The following CBY1 variants were observed in gnomAD, a reference collection of about 807,000 sequenced individuals.
The protein encoded by CBY1 is chibby 1, beta catenin antagonist.
In CBY1, 10 loss-of-function variants were observed where a neutral mutation model predicts 15.6. The ratio of observed to expected loss-of-function variants is 0.64; its 90% CI spans 0.40 to 1.09. The LOEUF (loss-of-function observed/expected upper bound fraction) is 1.09. Among genes scored for constraint, CBY1 ranks in the 50% least tolerant of loss-of-function variants. The pLI, the probability that CBY1 is intolerant of heterozygous loss-of-function variation, is 0.01. For missense variants in CBY1, 150 were observed against 160.5 expected, an observed-to-expected ratio of 0.93 and a Z score of 0.35; for synonymous variants, 61 against 63.5, an observed-to-expected ratio of 0.96 and a Z score of 0.19.
At position 38,666,905 on chromosome 22, in the gene CBY1, C is replaced by T. The variant is rs767444439; in HGVS notation, c.-38-1112C>T. Among the ~76,000 whole-genome samples, 59 of 151,716 alleles carry T rather than the reference C, an allele frequency of 3.9e-4. 1 individual carries two copies. The highest frequency in any genetic ancestry group is 2.1e-4 in the Non-Finnish European group (14 of 67,912). ...TTTTAGTAGAGACAGGGTTTCACCA[C>T]GTTGGCCAGGCTGGTCTCAAACTCC... On this transcript the variant is annotated intron_variant, in intron 1 of 4. Coordinates refer to ENST00000216029, the MANE Select transcript of CBY1 (RefSeq NM_015373.4).
chr22:38,657,249 C>T (rs2092401953), intron 1 of CBY1: 1 of 287,710 alleles, frequency 3.5e-6, no homozygotes, highest in African/African-American at 2.3e-5. Flanking sequence ...TTACTCGATC[C>T]TCTTCCCAGG....
At chr22:38,670,281 A>G (rs1419334116) in intron 2 of CBY1, 1 of 152,266 alleles carries the variant, frequency 6.6e-6, no homozygotes, top group Non-Finnish European at 1.5e-5. Flanking sequence ...CTGTAGTCCC[A>G]GCTATTCAGA....
At chr22:38,671,246 C>T (rs949492323) in intron 4 of CBY1, 58 bp downstream of exon 4, 8 of 1,271,622 alleles carry the variant, frequency 6.3e-6, no homozygotes, top group African/African-American at 5.8e-5. Context: ...GGCTCCACCT[C>T]GAGTCACTTA....
In CBY1 at chr22:38,673,569, G is replaced by C. The variant is rs1191819143; in HGVS notation, c.*333G>C. The C allele has an allele frequency of 1.2e-5, 3 of 248,160 alleles. No individual in the cohort carries two copies. The East Asian group carries it at 2.5e-4, about 21-fold the overall frequency. 15.4% of individuals were successfully genotyped at this position (248,160 alleles called of 1,614,324 possible). ...CAGAATAGCTCTGTTGGGTTGTGTT[G>C]GGAGAAGCGGCTGGAGTTCATTCTC... On this transcript the variant is annotated 3_prime_UTR_variant, in exon 5 of 5. Coordinates refer to ENST00000216029, the MANE Select transcript of CBY1 (RefSeq NM_015373.4).
At chr22:38,659,861 CAAAAAAA>C (rs71197126) in intron 1 of CBY1, among the ~76,000 whole-genome samples, 4 of 68,380 alleles carry the variant, frequency 5.8e-5, no homozygotes, top group Non-Finnish European at 1.1e-4. Flanking sequence ...GACTCTGTCT[CAAAAAAA>C]AAAAAAAAAA....
intron 1 of CBY1, among the ~76,000 whole-genome samples, chr22:38,659,741 A>G (rs1482489825): frequency 3.3e-5 from 5 of 151,604 alleles, no homozygotes; most frequent in African/African-American, 4.8e-5. Flanking sequence ...AGGCGCCTGT[A>G]GTCCCAGCTA....
chr22:38,659,585 G>A (rs573024425), intron 1 of CBY1, among the ~76,000 whole-genome samples: 3 of 152,066 alleles, frequency 2.0e-5, no homozygotes, highest in South Asian at 2.1e-4. Context: ...TGTGCTGGCC[G>A]GGCACGGTGG....
Position 38,670,857 on chromosome 22 carries a change from A to C in CBY1, c.79-27A>C, listed in dbSNP as rs191383122. On this transcript the variant is annotated intron_variant, in intron 2 of 4. Transcript: ENST00000216029. ...TGAAGGCGTGTTCCGGGCCTGCTGA[A>C]GTTGTCACATAGCATCTCGCCCACA... The C allele has an allele frequency of 5.8e-6, 9 of 1,538,588 alleles. No homozygotes were observed. The African/African-American group carries it at 8.2e-5, about 14-fold the overall frequency.
chr22:38,659,090 C>T (rs2092414191), intron 1 of CBY1, among the ~76,000 whole-genome samples: 1 of 152,016 alleles, frequency 6.6e-6, no homozygotes, highest in South Asian at 2.1e-4. Flanking sequence ...CGCACGCCAA[C>T]ATACTGGGCT....
At chr22:38,670,741 T>G (rs2092450058) in intron 2 of CBY1, 143 bp from the exon 3 acceptor site, 1 of 639,222 alleles carries the variant, frequency 1.6e-6, no homozygotes, top group Admixed American at 2.6e-5. Context: ...TCATTTGATT[T>G]TATGGCTTTA....
At chr22:38,661,079 T>G (rs1013067527) in intron 1 of CBY1, among the ~76,000 whole-genome samples, 2 of 152,040 alleles carry the variant, frequency 1.3e-5, no homozygotes, top group Non-Finnish European at 2.9e-5. Context: ...CTGGAAGCAC[T>G]CTGGTTTGTC....
At chr22:38,662,974 G>A (rs959389991) in intron 1 of CBY1, among the ~76,000 whole-genome samples, 1 of 151,986 alleles carries the variant, frequency 6.6e-6, no homozygotes, top group Non-Finnish European at 1.5e-5. Context: ...ACAAACATTA[G>A]TTGGGTGTGG....
At chr22:38,663,337 C>G (rs559692035) in intron 1 of CBY1, among the ~76,000 whole-genome samples, 125 of 151,944 alleles carry the variant, frequency 8.2e-4, no homozygotes, top group African/African-American at 2.9e-3. Flanking sequence ...TGCCTATAGT[C>G]CTAGCTACCT....
intron 1 of CBY1, among the ~76,000 whole-genome samples, chr22:38,657,620 C>T (rs967710475): frequency 2.0e-5 from 3 of 152,228 alleles, no homozygotes; most frequent in Non-Finnish European, 4.4e-5. Context: ...CCAGACCCTT[C>T]CTCATCTGTA....
At chr22:38,667,496 T>A (rs2092440291) in intron 1 of CBY1, 1 of 152,872 alleles carries the variant, frequency 6.5e-6, no homozygotes, top group African/African-American at 2.4e-5. Context: ...GCATACCGCG[T>A]AGCACAAAGG....
intron 2 of CBY1, chr22:38,668,418 T>C (rs1179232249): frequency 3.6e-6 from 1 of 276,442 alleles, no homozygotes; most frequent in East Asian, 9.8e-5. Context: ...TCCCACAGGC[T>C]AGGGTGCAGT....
At chr22:38,663,107 A>T (rs973665308) in intron 1 of CBY1, among the ~76,000 whole-genome samples, 1 of 152,042 alleles carries the variant, frequency 6.6e-6, no homozygotes, top group Non-Finnish European at 1.5e-5. Context: ...GCGACAGAGT[A>T]AGACTTGATC....
At position 38,673,184 on chromosome 22, in the gene CBY1, A is replaced by G; in HGVS notation, c.329A>G (p.His110Arg). The change falls in exon 5 of 5, where the codon CAC becomes CGC. Residue 110 changes from histidine (H) to arginine (R), a missense_variant. By Grantham distance (29) the His-to-Arg change is conservative. Transcript: ENST00000216029. ...DMLSESTAES[H>R]LMEKELDELR... ...CTTTCAGAGTCCACTGCTGAATCCC[A>G]CTTAATGGAGAAGGAACTGGATGAA... 1 of 1,612,612 alleles carries G rather than the reference A, an allele frequency of 6.2e-7. No individual in the cohort carries two copies. Among genetic ancestry groups the G allele is most frequent in the Non-Finnish European group, 8.5e-7 (1 of 1,178,724 alleles).
At chr22:38,662,309 AAAAT>A (rs900165152) in intron 1 of CBY1, among the ~76,000 whole-genome samples, 4 of 151,736 alleles carry the variant, frequency 2.6e-5, no homozygotes, top group Non-Finnish European at 4.4e-5. Flanking sequence ...CTCAAAAAAA[AAAAT>A]AAATAAATAA....
Sources: gnomAD v4.1 joint callset for allele counts (sites outside exome capture counted in the v4.1 genomes callset) on GRCh38, gnomAD v4.1.1 for gene constraint, MANE v1.5 for transcripts, NCBI Gene and HGNC (gene_info 2026-07-23, HGNC 2026-07-21) for gene names.